Variants in LARS1 observed in about 807,000 individuals in gnomAD.
LARS1 encodes the protein leucine--tRNA ligase, cytoplasmic.
In LARS1, 100 loss-of-function variants were observed where a neutral mutation model predicts 162.8. That is an observed-to-expected ratio of 0.61 (90% confidence interval 0.52 to 0.73). The LOEUF (loss-of-function observed/expected upper bound fraction) is 0.73, where lower values mean the gene tolerates loss of function less well. LARS1 is among the 30% of genes least tolerant of loss of function. LARS1 has a pLI of 0.00. For missense variants in LARS1, 1,258 were observed against 1,408.9 expected (o/e 0.89, Z 1.71); for synonymous variants, 457 against 462.8 (o/e 0.99, Z 0.16).
chr5:146,126,288 T>C (rs1476107162), intron 28 of LARS1, 147 bp downstream of exon 28: 7 of 540,170 alleles, frequency 1.3e-5, no homozygotes, highest in South Asian at 8.8e-5. Context: ...CAAAATCTGA[T>C]AGATCATTTC....
chr5:146,126,747 A>G (rs1752068805), intron 27 of LARS1, among the ~76,000 whole-genome samples: 1 of 152,038 alleles, frequency 6.6e-6, no homozygotes, highest in African/African-American at 2.4e-5. Flanking sequence ...TAAATTAACA[A>G]CACATACTTT....
Position 146,144,210 on chromosome 5 carries a change from A to G in LARS1, c.1738+57T>C, listed in dbSNP as rs370198374. Reference sequence around the variant, plus strand: ...GGGCAGGGGGGAAAGGTAAAAATGTATATTTTCTGTGTAACTGGCAAAGTT... The same window carrying G: ...GGGCAGGGGGGAAAGGTAAAAATGTGTATTTTCTGTGTAACTGGCAAAGTT... On this transcript the variant is annotated intron_variant, in intron 18 of 31. Coordinates refer to ENST00000394434, the MANE Select transcript of LARS1 (RefSeq NM_020117.11). 161 of 1,297,418 alleles carry G rather than the reference A, an allele frequency of 1.2e-4. 1 individual carries two copies. Among genetic ancestry groups the G allele is most frequent in the Non-Finnish European group, 1.7e-4 (157 of 915,722 alleles). The allele number at this position is 1,297,418 out of a possible 1,614,324, so 80.4% of individuals were successfully genotyped here.
In LARS1 at chr5:146,157,435, C is replaced by A. The variant is rs1477762703; in HGVS notation, c.1033G>T (p.Val345Leu). ...ATTAATTCCTTAACAACAGGCACCA[C>A]GCCATTGTCTTTGGTAAAGCCCTGG... ...SYQGFTKDNG[V>L]VPVVKELMGE... The change falls in exon 10 of 32, where the codon GTG becomes TTG. Residue 345 changes from valine (V) to leucine (L), a missense_variant. Transcript: ENST00000394434. 1.9e-6 allele frequency: 3 copies of A among 1,614,154 alleles called. No individual in the cohort carries two copies. The highest frequency in any genetic ancestry group is 2.2e-5 in the East Asian group (1 of 44,884).
At chr5:146,161,702 G>A (rs959802058) in intron 6 of LARS1, among the ~76,000 whole-genome samples, 26 of 148,508 alleles carry the variant, frequency 1.8e-4, no homozygotes, top group African/African-American at 4.9e-4. Flanking sequence ...GCAGTGAGTC[G>A]ATATCATGCC....
At chr5:146,126,403 G>T in intron 28 of LARS1, 32 bp downstream of exon 28, 1 of 1,335,116 alleles carries the variant, frequency 7.5e-7, no homozygotes, top group Non-Finnish European at 1.1e-6. Flanking sequence ...CATTGCTCAT[G>T]TGGTCACAGC....
At chr5:146,154,593 C>T (rs1753439523) in intron 10 of LARS1, among the ~76,000 whole-genome samples, 1 of 152,018 alleles carries the variant, frequency 6.6e-6, no homozygotes, top group African/African-American at 2.4e-5. Flanking sequence ...GCCTGGGCAA[C>T]ATGGTGAAAC....
intron 6 of LARS1, among the ~76,000 whole-genome samples, chr5:146,161,982 G>T (rs1489284849): frequency 6.6e-6 from 1 of 152,126 alleles, no homozygotes; most frequent in African/African-American, 2.4e-5. Context: ...TTATCTTCAA[G>T]CTCCACTTGT....
In LARS1 at chr5:146,174,585, TCC is replaced by T. The variant is rs1187439771; in HGVS notation, c.126-1813_126-1812del. Among the ~76,000 whole-genome samples, 19 of 18,188 alleles carry T rather than the reference TCC, an allele frequency of 1.0e-3. 1 individual carries two copies. The highest frequency in any genetic ancestry group is 1.9e-3 in the African/African-American group (19 of 10,154). The allele number at this position is 18,188 out of a possible 152,430, so 11.9% of individuals were successfully genotyped here. On this transcript the variant is annotated intron_variant, in intron 2 of 31. Coordinates refer to ENST00000394434, the MANE Select transcript of LARS1 (RefSeq NM_020117.11). ...ATATATATATCCATATATGTATATA[TCC>T]ATATATATATATATATATATCCATT...
intron 31 of LARS1, among the ~76,000 whole-genome samples, chr5:146,119,986 C>G (rs868252854): frequency 1.3e-5 from 2 of 152,106 alleles, no homozygotes; most frequent in Non-Finnish European, 2.9e-5. Context: ...GTTTCTCTTC[C>G]TTCTCAAGGA....
At chr5:146,170,155 G>C (rs142917501) in intron 4 of LARS1, among the ~76,000 whole-genome samples, 1 of 152,226 alleles carries the variant, frequency 6.6e-6, no homozygotes, top group East Asian at 1.9e-4. Context: ...TACATGCAAT[G>C]TGTGCTCCAC....
Position 146,124,063 on chromosome 5 carries a change from A to C in LARS1, c.3015T>G (p.Pro1005=). Residue 1005 remains proline, a synonymous_variant, in exon 29 of 32, where the codon CCT becomes CCG. Coordinates refer to ENST00000394434, the MANE Select transcript of LARS1 (RefSeq NM_020117.11). ...MIKENLEKMG[P]RILDLQLEFD... is the part of the protein sequence containing the mutation. ...ATTCTAATTGCAAATCCAGAATACG[A>C]GGCCCCATCTTCTCCAGATTTTCCT... 1.2e-6 allele frequency: 2 copies of C among 1,609,396 alleles called. No homozygotes were observed. Among genetic ancestry groups the C allele is most frequent in the Non-Finnish European group, 1.7e-6 (2 of 1,177,284 alleles).
intron 29 of LARS1, 96 bp from the exon 30 acceptor site, chr5:146,122,683 C>A: frequency 1.7e-6 from 1 of 575,806 alleles, no homozygotes; most frequent in East Asian, 2.9e-5. Context: ...CTAGGTTCTC[C>A]AGTTAACATG....
intron 4 of LARS1, 108 bp from the exon 5 acceptor site, chr5:146,168,373 A>G (rs1754114686): frequency 2.5e-6 from 3 of 1,183,176 alleles, no homozygotes; most frequent in African/African-American, 3.1e-5. Context: ...TTTTTGCAAT[A>G]TATTGATACC....
chr5:146,148,733 C>T (rs1287769514), intron 15 of LARS1, among the ~76,000 whole-genome samples: 2 of 139,586 alleles, frequency 1.4e-5, no homozygotes, highest in South Asian at 2.2e-4. Flanking sequence ...GATACCTAAC[C>T]CTGAAAAAAA....
chr5:146,142,933 G>C lies in LARS1; in HGVS notation c.2029C>G (p.Leu677Val), dbSNP rs1193323070. The change falls in exon 20 of 32, where the codon CTT becomes GTT. Residue 677 changes from leucine (L) to valine (V), a missense_variant. Transcript: ENST00000394434. ...TAATATGAAAGATGATTTGGAACAA[G>C]ATCCTTGCCAGAGACGCGAAGATCA... ...PVDLRVSGKD[L>V]VPNHLSYYLY... The C allele has an allele frequency of 6.2e-7, 1 of 1,613,994 alleles. No homozygotes were observed. Among genetic ancestry groups the C allele is most frequent in the Admixed American group, 1.7e-5 (1 of 60,014 alleles).
chr5:146,178,937 A>G (rs1754712701), intron 1 of LARS1, among the ~76,000 whole-genome samples: 1 of 151,914 alleles, frequency 6.6e-6, no homozygotes, highest in Non-Finnish European at 1.5e-5. Flanking sequence ...TTTAAAAGAA[A>G]AACAATTTTT....
At position 146,144,328 on chromosome 5, in the gene LARS1, C is replaced by G. The variant is rs745722667; in HGVS notation, c.1677G>C (p.Arg559Ser). 2.5e-6 allele frequency: 4 copies of G among 1,613,654 alleles called. No homozygotes were observed. In the East Asian group the frequency reaches 8.9e-5, roughly 36 times the overall value. The change falls in exon 18 of 32, where the codon AGG becomes AGC. Residue 559 changes from arginine (R) to serine (S), a missense_variant. Coordinates refer to ENST00000394434, the MANE Select transcript of LARS1 (RefSeq NM_020117.11). ...GCCAACCTAAGGTGGCTTCAAAATT[C>G]CTCCTGGTCTCCTCACAGAATCTAG... ...NLETFCEETR[R>S]NFEATLGWLQ...
intron 5 of LARS1, among the ~76,000 whole-genome samples, chr5:146,165,676 G>C (rs1231724953): frequency 6.6e-6 from 1 of 152,198 alleles, no homozygotes; most frequent in African/African-American, 2.4e-5. Flanking sequence ...ACTCAAGGGG[G>C]AGGGAAGAAA....
In LARS1 at chr5:146,157,567, C is replaced by T. The variant is rs772126588; in HGVS notation, c.901G>A (p.Gly301Arg). 1 of 1,613,932 alleles carries T rather than the reference C, an allele frequency of 6.2e-7. No homozygotes were observed. The highest frequency in any genetic ancestry group is 2.2e-5 in the East Asian group (1 of 44,868). The change falls in exon 10 of 32, where the codon GGG becomes AGG. Residue 301 changes from glycine to arginine, a missense_variant. Coordinates refer to ENST00000394434, the MANE Select transcript of LARS1 (RefSeq NM_020117.11). ...GGACGAACCCAACAATTTGTCTGCC[C>T]AAACATGGTCTCAGGTCTGAGAGTA... ...AATLRPETMF[G>R]QTNCWVRPDM...
Sources: allele counts gnomAD v4.1 joint callset (sites outside exome capture counted in the v4.1 genomes callset), GRCh38; gene constraint gnomAD v4.1.1; transcripts MANE v1.5; gene names NCBI Gene and HGNC (gene_info 2026-07-23, HGNC 2026-07-21).